Variants in PAK5 observed in about 807,000 individuals in gnomAD.
PAK5 encodes serine/threonine-protein kinase PAK 5.
Under a neutral mutation model 65.9 loss-of-function variants are expected in PAK5, and 16 were observed. That is an observed-to-expected ratio of 0.24 (90% CI 0.16 to 0.37). PAK5 has a LOEUF of 0.37. PAK5 is among the 10% of genes least tolerant of loss of function. PAK5 has a pLI of 1.00. For synonymous variants in PAK5, 371 were observed against 354.9 expected (o/e 1.05, Z -0.51); for missense variants, 785 against 903.9 (o/e 0.87, Z 1.69).
chr20:9,768,073 C>G (rs984754739), intron 1 of PAK5, among the ~76,000 whole-genome samples: 4 of 152,072 alleles, frequency 2.6e-5, no homozygotes, highest in Non-Finnish European at 5.9e-5. Context: ...AATTAGACAC[C>G]AAAACTGAAA....
chr20:9,749,063 G>A (rs2048543767), intron 1 of PAK5, among the ~76,000 whole-genome samples: 1 of 152,042 alleles, frequency 6.6e-6, no homozygotes, highest in South Asian at 2.1e-4. Flanking sequence ...ACATATTTTA[G>A]TTTTTTAGAT....
intron 3 of PAK5, among the ~76,000 whole-genome samples, chr20:9,638,378 T>C (rs1023630575): frequency 2.6e-5 from 4 of 152,224 alleles, no homozygotes; most frequent in African/African-American, 9.7e-5. Flanking sequence ...AGCCCAAAAG[T>C]TTGGGCACAC....
At chr20:9,765,870 C>G (rs2048751165) in intron 1 of PAK5, among the ~76,000 whole-genome samples, 1 of 152,116 alleles carries the variant, frequency 6.6e-6, no homozygotes, top group South Asian at 2.1e-4. Flanking sequence ...GAGACATGCA[C>G]TAGAATGCTC....
At chr20:9,706,286 C>T (rs1432315132) in intron 2 of PAK5, among the ~76,000 whole-genome samples, 1 of 152,044 alleles carries the variant, frequency 6.6e-6, no homozygotes, top group Non-Finnish European at 1.5e-5. Context: ...AAAAGTTGTC[C>T]CATAGAAAGA....
Position 9,557,688 on chromosome 20 carries a change from C to A in PAK5, c.1663G>T (p.Ala555Ser), listed in dbSNP as rs34102290. The A allele has an allele frequency of 2.5e-4, 400 of 1,610,946 alleles. No individual in the cohort carries two copies. The East Asian group carries it at 5.5e-3, about 22-fold the overall frequency. The part of the protein sequence containing the change: ...IATVCLSVLR[A>S]LSYLHNQGVI... ...CCTTGGTTATGAAGGTAGGAGAGAG[C>A]TCTCAGAACTGACAGGCAGACAGTA... The change falls in exon 7 of 10, where the codon GCT (alanine) becomes TCT (serine). Residue 555 changes from alanine to serine, a missense_variant. Transcript: ENST00000353224.
At position 9,610,013 on chromosome 20, in the gene PAK5, G is replaced by A. The variant is rs1438588664; in HGVS notation, c.205-29083C>T. ...TTTTGTTTTGTTTTGTTTTAAATAAGACACAGCCTTTGTTTTCTAAGAACA... is the reference window on the plus strand; with the variant it reads ...TTTTGTTTTGTTTTGTTTTAAATAAAACACAGCCTTTGTTTTCTAAGAACA... On this transcript the variant is annotated intron_variant, in intron 3 of 9. Coordinates refer to ENST00000353224, the MANE Select transcript of PAK5 (RefSeq NM_177990.4). 2.0e-5 allele frequency among the ~76,000 whole-genome samples: 3 copies of A among 150,744 alleles called. No individual in the cohort carries two copies. In the East Asian group the frequency reaches 6.1e-4, roughly 31 times the overall value.
intron 1 of PAK5, among the ~76,000 whole-genome samples, chr20:9,822,517 T>C (rs7263675): frequency 0.42 from 64,101 of 151,942 alleles, 13,846 homozygotes; most frequent in Admixed American, 0.49. Flanking sequence ...GAGGGCAACT[T>C]AACACTCTGG....
rs764351685 is a variant in PAK5 at position 9,565,973 on chromosome 20, C to T, written c.1402G>A (p.Glu468Lys). ...GSTGIVCIAT[E>K]KHTGKQVAVK... ...GCAACTTGTTTCCCTGTGTGTTTCT[C>T]GGTGGCGATGCATACGATGCCGGTT... The change falls in exon 5 of 10, where the codon GAG (glutamate) becomes AAG (lysine). Residue 468 changes from glutamate to lysine, a missense_variant. Coordinates refer to ENST00000353224, the MANE Select transcript of PAK5 (RefSeq NM_177990.4). 3.1e-6 allele frequency: 5 copies of T among 1,613,602 alleles called. No homozygotes were observed. Among genetic ancestry groups the T allele is most frequent in the Admixed American group, 1.7e-5 (1 of 59,964 alleles).
intron 3 of PAK5, among the ~76,000 whole-genome samples, chr20:9,595,186 G>A (rs1263390519): frequency 6.6e-6 from 1 of 151,422 alleles, no homozygotes; most frequent in Admixed American, 6.6e-5. Flanking sequence ...AGATTAATAG[G>A]GTCATTCTTT....
At chr20:9,583,991 T>C (rs1429124979) in intron 3 of PAK5, among the ~76,000 whole-genome samples, 2 of 152,194 alleles carry the variant, frequency 1.3e-5, no homozygotes, top group Admixed American at 6.5e-5. Flanking sequence ...GTGGAATTCA[T>C]TATATGGAAT....
At chr20:9,663,766 C>T (rs1441546475) in intron 2 of PAK5, among the ~76,000 whole-genome samples, 1 of 152,054 alleles carries the variant, frequency 6.6e-6, no homozygotes, top group African/African-American at 2.4e-5. Flanking sequence ...AAAATATATT[C>T]CCTCAGTAGG....
chr20:9,792,121 A>G (rs918023122), intron 1 of PAK5, among the ~76,000 whole-genome samples: 1 of 152,202 alleles, frequency 6.6e-6, no homozygotes, highest in African/African-American at 2.4e-5. Flanking sequence ...CATGCAGTGC[A>G]TGCTATACTT....
intron 4 of PAK5, among the ~76,000 whole-genome samples, chr20:9,577,191 A>G (rs1348978805): frequency 2.0e-5 from 3 of 146,886 alleles, no homozygotes; most frequent in Non-Finnish European, 3.0e-5. Flanking sequence ...CCAGGGTTTC[A>G]TCTGCTTAGT....
intron 2 of PAK5, among the ~76,000 whole-genome samples, chr20:9,674,672 G>A (rs934396280): frequency 6.6e-6 from 1 of 152,190 alleles, no homozygotes; most frequent in Non-Finnish European, 1.5e-5. Context: ...TGATTTAAAT[G>A]CTCGAGATTT....
intron 7 of PAK5, among the ~76,000 whole-genome samples, chr20:9,554,420 G>C (rs1453026277): frequency 6.6e-6 from 1 of 152,198 alleles, no homozygotes; most frequent in Non-Finnish European, 1.5e-5. Flanking sequence ...TCTGGTGGCA[G>C]CTCCAGCTAG....
rs62192608 is a variant in PAK5, at chr20:9,558,563, T to C, written c.1617-829A>G. Among the ~76,000 whole-genome samples, 290 of 152,282 alleles carry C rather than the reference T, an allele frequency of 1.9e-3. 2 individuals are homozygous for C. The highest frequency in any genetic ancestry group is 5.8e-3 in the South Asian group (28 of 4,824). On this transcript the variant is annotated intron_variant, in intron 6 of 9. Transcript: ENST00000353224. ...TTTAACTTCCTTGGGTCTTATTTTC[T>C]TCATCTTAGAAATGGGGACAGCCAC...
intron 2 of PAK5, among the ~76,000 whole-genome samples, chr20:9,677,044 CATGTGT>C (rs1263518047): frequency 1.3e-4 from 10 of 78,664 alleles, no homozygotes; most frequent in South Asian, 5.9e-4. Flanking sequence ...AGGGTATGTG[CATGTGT>C]GTGTGTGTGT....
chr20:9,693,187 G>A (rs2423423), intron 2 of PAK5, among the ~76,000 whole-genome samples: 51,549 of 151,792 alleles, frequency 0.34, 10,298 homozygotes, highest in African/African-American at 0.56. Context: ...CCTTTGTGAA[G>A]GCAATTGATA....
rs531789007 is a variant in PAK5, at chr20:9,566,289, G to T, written c.1086C>A (p.Ser362Arg). ...GACTGCTTGAGGAATAGCCCGATTTGCTTTGACTTTGAGGTAGTTTGGCAG... is the reference window on the plus strand; with the variant it reads ...GACTGCTTGAGGAATAGCCCGATTTTCTTTGACTTTGAGGTAGTTTGGCAG... ...RGPAKLPQSQ[S>R]KSGYSSSSHQ... Residue 362 changes from serine (S) to arginine (R), a missense_variant, in exon 5 of 10, where the codon AGC (serine) becomes AGA (arginine). Transcript: ENST00000353224. The T allele has an allele frequency of 1.9e-6, 3 of 1,613,664 alleles. No individual in the cohort carries two copies. The highest frequency in any genetic ancestry group is 2.5e-6 in the Non-Finnish European group (3 of 1,179,992).
Sources: gnomAD v4.1 joint callset for allele counts (sites outside exome capture counted in the v4.1 genomes callset) on GRCh38, gnomAD v4.1.1 for gene constraint, MANE v1.5 for transcripts, NCBI Gene and HGNC (gene_info 2026-07-23, HGNC 2026-07-21) for gene names.